NELL1: variants seen among roughly 807,000 people sequenced by gnomAD.
NELL1 encodes protein kinase C-binding protein NELL1.
NELL1 carries 76 observed loss-of-function variants against 107.4 expected under a neutral mutation model. The ratio of observed to expected loss-of-function variants is 0.71; its 90% CI spans 0.59 to 0.86. NELL1 has a LOEUF of 0.86. Ranked by LOEUF, NELL1 falls within the 40% of genes least tolerant of loss-of-function variation. The pLI, the probability that NELL1 is intolerant of heterozygous loss-of-function variation, is 0.00. For missense variants in NELL1, 1,024 were observed against 1,005.5 expected (o/e 1.02, Z -0.25); for synonymous variants, 353 against 341.2 (o/e 1.03, Z -0.38).
At chr11:21,148,408 G>A (rs1856035182) in intron 13 of NELL1, among the ~76,000 whole-genome samples, 1 of 152,164 alleles carries the variant, frequency 6.6e-6, no homozygotes, top group South Asian at 2.1e-4. Flanking sequence ...AGAAGAATGG[G>A]AATAGCAGGG....
At position 20,862,605 on chromosome 11, in the gene NELL1, CTTTTTTTTTTTTT is replaced by C. The variant is rs386373288; in HGVS notation, c.506+14863_506+14875del. Among the ~76,000 whole-genome samples, 11 of 94,676 alleles carry C rather than the reference CTTTTTTTTTTTTT, an allele frequency of 1.2e-4. No individual in the cohort carries two copies. The South Asian group carries it at 5.1e-3, about 44-fold the overall frequency. The allele number at this position is 94,676 out of a possible 152,430, so 62.1% of individuals were successfully genotyped here. ...GCCCTAAAAATCTTTTGAGCTGCTGCTTTTTTTTTTTTTTTTTTTTTTTATTGATCATTCTTGG... is the reference window on the plus strand; with the variant it reads ...GCCCTAAAAATCTTTTGAGCTGCTGCTTTTTTTTTTATTGATCATTCTTGG... On this transcript the variant is annotated intron_variant, in intron 4 of 19. Coordinates refer to ENST00000357134, the MANE Select transcript of NELL1 (RefSeq NM_006157.5).
intron 15 of NELL1, among the ~76,000 whole-genome samples, chr11:21,448,775 T>C (rs951521130): frequency 7.2e-5 from 11 of 152,206 alleles, no homozygotes; most frequent in Non-Finnish European, 1.6e-4. Context: ...TTTTTCTCAC[T>C]ACACTATTTT....
intron 14 of NELL1, among the ~76,000 whole-genome samples, chr11:21,256,613 A>C (rs1458073532): frequency 6.6e-6 from 1 of 151,996 alleles, no homozygotes; most frequent in African/African-American, 2.4e-5. Flanking sequence ...AGTGACCTAA[A>C]AATGCTCACT....
At chr11:20,913,158 C>T (rs1160251281) in intron 5 of NELL1, among the ~76,000 whole-genome samples, 2 of 152,120 alleles carry the variant, frequency 1.3e-5, no homozygotes, top group Non-Finnish European at 2.9e-5. Flanking sequence ...AGCCTGTTTC[C>T]AAAGCTTGAG....
chr11:20,799,429 C>T (rs892048689), intron 3 of NELL1, among the ~76,000 whole-genome samples: 17 of 152,204 alleles, frequency 1.1e-4, no homozygotes, highest in Admixed American at 3.3e-4. Flanking sequence ...ACCCATCCAT[C>T]CATAGTGTTC....
At chr11:20,934,090 TG>T (rs1277832788) in intron 9 of NELL1, among the ~76,000 whole-genome samples, 1 of 152,130 alleles carries the variant, frequency 6.6e-6, no homozygotes, top group Non-Finnish European at 1.5e-5. Context: ...ACCTTATGCT[TG>T]AATTTCCTCA....
chr11:21,468,824 C>T (rs770606391), intron 15 of NELL1, among the ~76,000 whole-genome samples: 8 of 151,970 alleles, frequency 5.3e-5, no homozygotes, highest in Non-Finnish European at 1.0e-4. Flanking sequence ...TGCCTTTCAT[C>T]TGAAAGCAGG....
Position 21,408,638 on chromosome 11 carries a change from G to A in NELL1, c.1645+37690G>A, listed in dbSNP as rs948485179. Among the ~76,000 whole-genome samples, 3 of 152,084 alleles carry A rather than the reference G, an allele frequency of 2.0e-5. 1 individual carries two copies. In the South Asian group the frequency reaches 6.2e-4, roughly 32 times the overall value. ...AGGTTGCCTGTTCACTCTGATGGTA[G>A]TTTCTTTTGCTGTGCAGAAGCTCTT... On this transcript the variant is annotated intron_variant, in intron 15 of 19. Transcript: ENST00000357134.
At chr11:21,530,682 T>C (rs968359167) in intron 15 of NELL1, among the ~76,000 whole-genome samples, 4 of 152,056 alleles carry the variant, frequency 2.6e-5, no homozygotes, top group Non-Finnish European at 5.9e-5. Context: ...TATCTAAAGA[T>C]TAGAGGTAGA....
intron 17 of NELL1, among the ~76,000 whole-genome samples, chr11:21,565,186 T>C (rs1856941556): frequency 5.3e-5 from 8 of 151,956 alleles, no homozygotes. Context: ...TGGAGTTAGC[T>C]GTGCAAGCTG....
In NELL1 at chr11:20,918,234, A is replaced by C. The variant is rs1318741523; in HGVS notation, c.656A>C (p.Gln219Pro). The change falls in exon 6 of 20, where the codon CAG becomes CCG. Residue 219 changes from glutamine (Q) to proline (P), a missense_variant. Gln to Pro is a moderately conservative substitution (Grantham distance 76, BLOSUM62 -1). Transcript: ENST00000357134. Reference protein sequence around the residue: ...IIFMPNGYITQCPNLNHTCPT... With the variant: ...IIFMPNGYITPCPNLNHTCPT... ...TTTATGCCGAATGGATATATAACAC[A>C]GTGTCCAAATCTAAATCACAGTAAG... is the stretch of plus-strand genomic sequence containing the variant. 3.8e-6 allele frequency: 6 copies of C among 1,588,874 alleles called. No homozygotes were observed. Among genetic ancestry groups the C allele is most frequent in the Non-Finnish European group, 5.2e-6 (6 of 1,157,932 alleles).
intron 14 of NELL1, among the ~76,000 whole-genome samples, chr11:21,345,953 A>G (rs1850674696): frequency 6.6e-6 from 1 of 152,320 alleles, no homozygotes; most frequent in Non-Finnish European, 1.5e-5. Context: ...AGCACTTTAG[A>G]TTCCACCAAT....
At chr11:20,984,179 T>C (rs751375202) in intron 12 of NELL1, among the ~76,000 whole-genome samples, 30 of 152,196 alleles carry the variant, frequency 2.0e-4, no homozygotes, top group Non-Finnish European at 4.0e-4. Flanking sequence ...TTTATATTTG[T>C]TTGTAGGATT....
rs887525785 is a variant in NELL1, at chr11:20,739,059, T to C, written c.185-44621T>C. ...AATTGATTAAAATAAAAGTTAAAAA[T>C]TCAGGTCCTTATTTGCACTAGCTAC... On this transcript the variant is annotated intron_variant, in intron 2 of 19. Coordinates refer to ENST00000357134, the MANE Select transcript of NELL1 (RefSeq NM_006157.5). Among the ~76,000 whole-genome samples the C allele has an allele frequency of 1.5e-4, 23 of 152,234 alleles. 1 individual carries two copies. The Middle Eastern group carries it at 9.5e-3, about 63-fold the overall frequency.
chr11:20,867,495 T>C (rs919962282), intron 4 of NELL1, among the ~76,000 whole-genome samples: 24 of 152,158 alleles, frequency 1.6e-4, no homozygotes, highest in Non-Finnish European at 3.4e-4. Flanking sequence ...ATGAGAAGAC[T>C]TGCGTTCCAG....
intron 2 of NELL1, among the ~76,000 whole-genome samples, chr11:20,703,358 A>G (rs902352667): frequency 1.3e-4 from 20 of 152,032 alleles, no homozygotes; most frequent in African/African-American, 4.8e-4. Flanking sequence ...CCCCTTTATC[A>G]TTTTTTATTG....
chr11:21,568,086 G>T (rs1234476530), intron 17 of NELL1, among the ~76,000 whole-genome samples: 1 of 151,748 alleles, frequency 6.6e-6, no homozygotes, highest in African/African-American at 2.4e-5. Flanking sequence ...CAACATCATA[G>T]AGTATATTTA....
chr11:21,268,451 CAG>C (rs1183914533), intron 14 of NELL1, among the ~76,000 whole-genome samples: 2 of 152,084 alleles, frequency 1.3e-5, no homozygotes, highest in Non-Finnish European at 2.9e-5. Context: ...GGGTTTTTAT[CAG>C]AGCCTACCCA....
chr11:21,447,164 C>T (rs974124684), intron 15 of NELL1, among the ~76,000 whole-genome samples: 1 of 152,152 alleles, frequency 6.6e-6, no homozygotes, highest in Non-Finnish European at 1.5e-5. Flanking sequence ...ATTCACCCTT[C>T]AGAGCAGTGG....
Sources: allele counts gnomAD v4.1 joint callset (sites outside exome capture counted in the v4.1 genomes callset), GRCh38; gene constraint gnomAD v4.1.1; transcripts MANE v1.5; gene names NCBI Gene and HGNC (gene_info 2026-07-23, HGNC 2026-07-21).